Variants in ZNF527 observed in about 807,000 individuals in gnomAD.
ZNF527 encodes zinc finger protein 527.
A neutral mutation model predicts 13.5 loss-of-function variants in ZNF527; 5 were observed. That is an observed-to-expected ratio of 0.37 (90% CI 0.19 to 0.78). The LOEUF (loss-of-function observed/expected upper bound fraction) is 0.78. Among genes scored for constraint, ZNF527 ranks in the 30% least tolerant of loss-of-function variants. The pLI is 0.48. For missense variants in ZNF527, 628 were observed against 726.4 expected (o/e 0.86, Z 1.56); for synonymous variants, 209 against 243.1 (o/e 0.86, Z 1.30).
intron 4 of ZNF527, among the ~76,000 whole-genome samples, chr19:37,382,309 A>G (rs1277051062): frequency 6.6e-6 from 1 of 152,196 alleles, no homozygotes; most frequent in Non-Finnish European, 1.5e-5. Flanking sequence ...AGATAGATAG[A>G]TAGATAGATA....
intron 4 of ZNF527, among the ~76,000 whole-genome samples, chr19:37,382,284 GGTAGATAGA>G (rs2040660353): frequency 1.7e-5 from 2 of 119,888 alleles, no homozygotes; most frequent in African/African-American, 3.2e-5. Flanking sequence ...TAGATAGATA[GGTAGATAGA>G]TAGATAGATA....
intron 2 of ZNF527, 40 bp from the exon 3 acceptor site, chr19:37,379,080 G>T (rs763896088): frequency 3.1e-6 from 5 of 1,613,716 alleles, no homozygotes; most frequent in Non-Finnish European, 4.2e-6. Context: ...GACCATATAG[G>T]TGTCTGGGCA....
At chr19:37,385,066 T>A (rs865875858) in intron 4 of ZNF527, 68 of 565,930 alleles carry the variant, frequency 1.2e-4, no homozygotes, top group Middle Eastern at 5.3e-4. Flanking sequence ...GCTCAAGCGA[T>A]CCTCCCATCT....
rs920305089 is a variant in ZNF527, at chr19:37,391,572, A to T, written c.*1693A>T. 5 of 81,432 alleles carry T rather than the reference A, an allele frequency of 6.1e-5. No individual in the cohort carries two copies. The East Asian group carries it at 1.7e-3, about 28-fold the overall frequency. The allele number at this position is 81,432 out of a possible 1,614,324, so 5.0% of individuals were successfully genotyped here. A position where few individuals can be genotyped will look rare whatever the true frequency, so the allele number is the denominator to read the frequency against. ...CAACAAGAGCGAAACTCCTTCTCAA[A>T]AAAAAAAAAAAAAAAAAAATAAATA... On this transcript the variant is annotated 3_prime_UTR_variant, in exon 5 of 5. Coordinates refer to ENST00000436120, the MANE Select transcript of ZNF527 (RefSeq NM_032453.2).
chr19:37,379,239 A>G lies in ZNF527; in HGVS notation c.153A>G (p.Val51=). The G allele has an allele frequency of 6.3e-7, 1 of 1,598,088 alleles. No homozygotes were observed. Among genetic ancestry groups the G allele is most frequent in the Non-Finnish European group, 8.5e-7 (1 of 1,174,522 alleles). ...DVMLENYRNL[V]WLGLSISKPN... is the part of the protein sequence containing the mutation. ...TGTTGGAGAACTACAGGAACTTGGTATGGCTTGGTAAGGATGTTTCTCCCC... is the reference window on the plus strand; with the variant it reads ...TGTTGGAGAACTACAGGAACTTGGTGTGGCTTGGTAAGGATGTTTCTCCCC... Residue 51 remains valine, a synonymous_variant, in exon 3 of 5, where the codon GTA becomes GTG. Transcript: ENST00000436120.
In ZNF527 at chr19:37,388,445, T is replaced by C. The variant is rs753911605; in HGVS notation, c.396T>C (p.Tyr132=). The change falls in exon 5 of 5, where the codon TAT becomes TAC. Residue 132 remains tyrosine (Y), a synonymous_variant. Transcript: ENST00000436120. The part of the protein sequence containing the change: ...ECSSFREAWK[Y]KGEFELHQGN... Reference sequence around the variant, plus strand: ...CCAGTTTCAGAGAAGCCTGGAAATATAAGGGTGAATTTGAGCTACATCAGG... The same window carrying C: ...CCAGTTTCAGAGAAGCCTGGAAATACAAGGGTGAATTTGAGCTACATCAGG... The C allele has an allele frequency of 3.1e-6, 5 of 1,614,116 alleles. No individual in the cohort carries two copies. Among genetic ancestry groups the C allele is most frequent in the Non-Finnish European group, 4.2e-6 (5 of 1,180,022 alleles).
intron 2 of ZNF527, among the ~76,000 whole-genome samples, chr19:37,375,311 T>TTTCTTTCTTTTCTTTCTTTCTTTCTTTC: frequency 1.3e-5 from 1 of 79,836 alleles, no homozygotes; most frequent in East Asian, 3.7e-4. Context: ...TCTTTCTTTC[T>TTTCTTTCTTTTCTTTCTTTCTTTCTTTC]TTTCTTTCTT....
At chr19:37,376,077 C>T (rs2040605251) in intron 2 of ZNF527, among the ~76,000 whole-genome samples, 1 of 152,146 alleles carries the variant, frequency 6.6e-6, no homozygotes, top group South Asian at 2.1e-4. Flanking sequence ...GCTGTAATCC[C>T]AGTACTTTGG....
At chr19:37,384,815 CT>C in intron 4 of ZNF527, 1 of 616,952 alleles carries the variant, frequency 1.6e-6, no homozygotes. Context: ...TAAAGTTTTT[CT>C]CTTCTGTGAA....
chr19:37,389,413 C>G lies in ZNF527; in HGVS notation c.1364C>G (p.Ser455Ter), dbSNP rs541011657. ...SECGKTFGYR[S>*]HLNQHQRIHT... ...TGTGGGAAGACCTTTGGCTATCGCT[C>G]ACACCTGAATCAACATCAGAGAATT... Residue 455 changes from serine (S) to a stop codon, truncating the protein, a stop_gained, in exon 5 of 5, where the codon TCA becomes TGA. Transcript: ENST00000436120. LOFTEE classifies it low-confidence loss of function (END_TRUNC). 1 of 1,614,002 alleles carries G rather than the reference C, an allele frequency of 6.2e-7. No homozygotes were observed. The highest frequency in any genetic ancestry group is 1.1e-5 in the South Asian group (1 of 91,062).
intron 4 of ZNF527, among the ~76,000 whole-genome samples, chr19:37,386,858 A>G (rs959193033): frequency 2.4e-4 from 36 of 152,222 alleles, no homozygotes; most frequent in African/African-American, 7.7e-4. Context: ...GGTGATGCCT[A>G]CAAGAGATGA....
chr19:37,389,892 T>G lies in ZNF527; in HGVS notation c.*13T>G. ...AGAAACGCTCTGATTATAACAAGTA[T>G]AGGAAAGAAAACATGTGGTTACCAC... On this transcript the variant is annotated 3_prime_UTR_variant, in exon 5 of 5. Coordinates refer to ENST00000436120, the MANE Select transcript of ZNF527 (RefSeq NM_032453.2). The G allele has an allele frequency of 6.5e-7, 1 of 1,550,144 alleles. No homozygotes were observed.
At chr19:37,388,222 T>TA in intron 4 of ZNF527, 84 bp from the exon 5 acceptor site, 1 of 1,501,098 alleles carries the variant, frequency 6.7e-7, no homozygotes, top group South Asian at 1.3e-5. Context: ...TCCCCCCAGT[T>TA]AAATTCTTCC....
chr19:37,388,001 A>G (rs2040714037), intron 4 of ZNF527, among the ~76,000 whole-genome samples: 1 of 152,180 alleles, frequency 6.6e-6, no homozygotes, highest in Non-Finnish European at 1.5e-5. Context: ...ATCTAATCAG[A>G]CATCCTCAAC....
chr19:37,385,467 C>A (rs1289729040), intron 4 of ZNF527: 1 of 397,734 alleles, frequency 2.5e-6, no homozygotes, highest in Non-Finnish European at 4.4e-6. Flanking sequence ...AGTTCTTTCA[C>A]AGAGATTTTG....
At chr19:37,374,127 C>T in intron 1 of ZNF527, 31 bp from the exon 2 acceptor site, 1 of 1,474,010 alleles carries the variant, frequency 6.8e-7, no homozygotes, top group Non-Finnish European at 9.5e-7. Context: ...GCTGGCACAT[C>T]ATCATTTCTT....
At chr19:37,375,330 T>C (rs868077440) in intron 2 of ZNF527, among the ~76,000 whole-genome samples, 3 of 147,524 alleles carry the variant, frequency 2.0e-5, no homozygotes, top group South Asian at 2.1e-4. Context: ...TTTCTTTCTT[T>C]CTTTCTTTCC....
intron 4 of ZNF527, 119 bp from the exon 5 acceptor site, chr19:37,388,187 A>G: frequency 1.7e-6 from 2 of 1,146,056 alleles, no homozygotes; most frequent in Non-Finnish European, 2.4e-6. Flanking sequence ...GGGAGCTATT[A>G]GAACCACAGA....
At position 37,380,301 on chromosome 19, in the gene ZNF527, T is replaced by C; in HGVS notation, c.185T>C (p.Met62Thr). 4 of 1,614,066 alleles carry C rather than the reference T, an allele frequency of 2.5e-6. No individual in the cohort carries two copies. The highest frequency in any genetic ancestry group is 3.4e-6 in the Non-Finnish European group (4 of 1,179,954). The change falls in exon 4 of 5, where the codon ATG (methionine) becomes ACG (threonine). Residue 62 changes from methionine (M) to threonine (T), a missense_variant. Coordinates refer to ENST00000436120, the MANE Select transcript of ZNF527 (RefSeq NM_032453.2). The part of the protein sequence containing the change: ...WLGLSISKPN[M>T]ISLLEQGKEP... ...GGACTCTCCATTTCTAAGCCCAACA[T>C]GATCTCCTTACTGGAGCAAGGGAAG...
Sources: gnomAD v4.1 joint callset for allele counts (sites outside exome capture counted in the v4.1 genomes callset) on GRCh38, gnomAD v4.1.1 for gene constraint, MANE v1.5 for transcripts, NCBI Gene and HGNC (gene_info 2026-07-23, HGNC 2026-07-21) for gene names.